MEGF6: variants seen among roughly 807,000 people sequenced by gnomAD.
MEGF6 encodes the protein multiple EGF like domains 6.
In MEGF6, 184 loss-of-function variants were observed where a neutral mutation model predicts 207.1. The observed-to-expected ratio is 0.89, with a 90% CI of 0.79 to 1.00. The LOEUF (loss-of-function observed/expected upper bound fraction) is 1.00. MEGF6 is among the 50% of genes least tolerant of loss of function. The pLI, the probability that MEGF6 is intolerant of heterozygous loss-of-function variation, is 0.00. For missense variants in MEGF6, 2,282 were observed against 2,202.9 expected (o/e 1.04, Z -0.72); for synonymous variants, 1,038 against 910.0 (o/e 1.14, Z -2.53).
In MEGF6 at chr1:3,499,148, G is replaced by A. The variant is rs201666491; in HGVS notation, c.3084C>T (p.Ser1028=). The change falls in exon 24 of 37, where the codon TCC becomes TCT. Residue 1028 remains serine, a synonymous_variant. Coordinates refer to ENST00000356575, the MANE Select transcript of MEGF6 (RefSeq NM_001409.4). The part of the protein sequence containing the change: ...CHCAPGWMGP[S]CLQACPAGLY... ...CTAGATGTGGCTTACCCTGCAGGCA[G>A]GAGGGCCCCATCCAGCCAGGGGCAC... 6.2e-4 allele frequency: 1,002 copies of A among 1,604,424 alleles called. No individual in the cohort carries two copies. Among genetic ancestry groups the A allele is most frequent in the Non-Finnish European group, 8.1e-4 (951 of 1,177,004 alleles).
At chr1:3,609,062 G>T (rs1334688184) in intron 1 of MEGF6, among the ~76,000 whole-genome samples, 2 of 152,174 alleles carry the variant, frequency 1.3e-5, no homozygotes, top group African/African-American at 4.8e-5. Context: ...AGCCAGCGGG[G>T]GTGCCGCTGC....
intron 4 of MEGF6, among the ~76,000 whole-genome samples, chr1:3,531,613 A>G (rs985914973): frequency 1.2e-4 from 18 of 150,272 alleles, no homozygotes; most frequent in African/African-American, 4.2e-4. Context: ...GCAGATAGGG[A>G]CCTAGGCACA....
At chr1:3,519,285 C>T (rs1641654182) in intron 5 of MEGF6, among the ~76,000 whole-genome samples, 2 of 152,234 alleles carry the variant, frequency 1.3e-5, no homozygotes, top group Admixed American at 1.3e-4. Context: ...TCCCTATAGA[C>T]AAGTGCTAGC....
intron 9 of MEGF6, 26 bp downstream of exon 9, chr1:3,511,524 G>A: frequency 6.3e-7 from 1 of 1,587,188 alleles, no homozygotes; most frequent in South Asian, 1.1e-5. Context: ...GTGGGGTGCA[G>A]GCATCTGGGA....
chr1:3,594,582 G>A lies in MEGF6; in HGVS notation c.376+756C>T, dbSNP rs1644029235. On this transcript the variant is annotated intron_variant, in intron 3 of 36. Transcript: ENST00000356575. This position sits in a 1 kb window ranked among gnomAD's most constrained non-coding sequence, Gnocchi z 4.2. ...ATGGGACAGGGTCCCATGACCTCTG[G>A]ACTGACCCCTCCCAGGGAGGGACAC... 6.6e-6 allele frequency among the ~76,000 whole-genome samples: 1 copy of A among 152,170 alleles called. No homozygotes were observed. Among genetic ancestry groups the A allele is most frequent in the South Asian group, 2.1e-4 (1 of 4,828 alleles).
chr1:3,555,992 G>A (rs1330479573), intron 4 of MEGF6, among the ~76,000 whole-genome samples: 2 of 152,234 alleles, frequency 1.3e-5, no homozygotes, highest in Admixed American at 6.5e-5. Context: ...AAGTCTGCCC[G>A]CCCACCCACA....
intron 4 of MEGF6, 72 bp downstream of exon 4, chr1:3,579,753 C>A (rs1233277926): frequency 9.6e-6 from 11 of 1,142,218 alleles, no homozygotes; most frequent in Non-Finnish European, 1.3e-5. Context: ...CGGCCAGTGG[C>A]CGACACATCC....
chr1:3,534,987 C>T (rs528492288), intron 4 of MEGF6, among the ~76,000 whole-genome samples: 102 of 152,288 alleles, frequency 6.7e-4, no homozygotes, highest in African/African-American at 2.4e-3. Context: ...GTGCCCAGTA[C>T]CCAGTGCAGG....
chr1:3,493,563 C>T (rs1640466878), intron 34 of MEGF6: 4 of 678,250 alleles, frequency 5.9e-6, no homozygotes, highest in Non-Finnish European at 7.2e-6. Context: ...CAGGGCCTGG[C>T]CTAAGGCTCC....
At chr1:3,623,723 C>T in the MEGF6 span, among the ~76,000 whole-genome samples, 1 of 152,254 alleles carries the variant, frequency 6.6e-6, no homozygotes, top group Non-Finnish European at 1.5e-5. Flanking sequence ...GCCCATGCAA[C>T]TTTGGCAGCC....
intron 3 of MEGF6, among the ~76,000 whole-genome samples, chr1:3,585,425 T>C (rs1367422050): frequency 6.8e-6 from 1 of 147,160 alleles, no homozygotes; most frequent in East Asian, 2.1e-4. Flanking sequence ...ACATGTCCTG[T>C]GTGTGGGTGT....
At chr1:3,541,733 G>A (rs1642528279) in intron 4 of MEGF6, among the ~76,000 whole-genome samples, 1 of 150,680 alleles carries the variant, frequency 6.6e-6, no homozygotes, top group Admixed American at 6.6e-5. Context: ...GCAAGGGTGT[G>A]AAAGGCCGAG....
intron 29 of MEGF6, 152 bp from the exon 30 acceptor site, chr1:3,496,170 C>T (rs1640598073): frequency 1.7e-6 from 2 of 1,189,626 alleles, no homozygotes; most frequent in East Asian, 5.4e-5. Context: ...TGCACCCACC[C>T]TGGCATCTCC....
Position 3,500,968 on chromosome 1 carries a change from C to T in MEGF6, c.2573G>A (p.Arg858Lys). The T allele has an allele frequency of 6.2e-7, 1 of 1,611,660 alleles. No individual in the cohort carries two copies. The change falls in exon 20 of 37, where the codon AGA becomes AAA. Residue 858 changes from arginine (R) to lysine (K), a missense_variant and splice_region_variant. Arg to Lys is a conservative substitution (Grantham distance 26). Coordinates refer to ENST00000356575, the MANE Select transcript of MEGF6 (RefSeq NM_001409.4). ...GGGCAAGCCAAGGGCCCCCGTACCT[C>T]TCTGGCAGCTAAAGCCGGTCCACCC... ...APGWTGFSCQ[R>K]ACDTGHWGPD...
intron 5 of MEGF6, among the ~76,000 whole-genome samples, chr1:3,519,249 AC>A (rs1198537546): frequency 6.6e-6 from 1 of 152,154 alleles, no homozygotes; most frequent in African/African-American, 2.4e-5. Flanking sequence ...AGTGGTCCAG[AC>A]CCACTGGCCA....
chr1:3,564,557 T>A (rs1391388113), intron 4 of MEGF6, among the ~76,000 whole-genome samples: 2 of 152,104 alleles, frequency 1.3e-5, no homozygotes, highest in African/African-American at 4.8e-5. Flanking sequence ...CTCTCCCCAC[T>A]GTGCTGGTCT....
chr1:3,589,860 G>C (rs189575563), intron 3 of MEGF6, among the ~76,000 whole-genome samples: 16 of 152,298 alleles, frequency 1.1e-4, no homozygotes, highest in Admixed American at 8.5e-4. Flanking sequence ...AATTAGTTTG[G>C]GAAAGCCTGT....
the MEGF6 span, among the ~76,000 whole-genome samples, chr1:3,621,157 C>T: frequency 6.6e-6 from 1 of 152,208 alleles, no homozygotes; most frequent in African/African-American, 2.4e-5. Context: ...ATGTCAGGCC[C>T]TCCACAAGAG....
rs143574151 is a variant in MEGF6, at chr1:3,576,778, C to A, written c.481+3047G>T. 8.3e-3 allele frequency among the ~76,000 whole-genome samples: 1,248 copies of A among 150,580 alleles called. 12 individuals carry two copies. The highest frequency in any genetic ancestry group is 0.028 in the African/African-American group (1,162 of 40,830). On this transcript the variant is annotated intron_variant, in intron 4 of 36. Transcript: ENST00000356575. ...CCCAGCCCTGCACATTCCACCCCTGCACACCTGGCCCTGCACACTCCACCC... is the reference window on the plus strand; with the variant it reads ...CCCAGCCCTGCACATTCCACCCCTGAACACCTGGCCCTGCACACTCCACCC...
Sources: gnomAD v4.1 joint callset for allele counts (sites outside exome capture counted in the v4.1 genomes callset) on GRCh38, gnomAD v4.1.1 for gene constraint, Gnocchi (gnomAD v3.1) non-coding constraint, MANE v1.5 for transcripts, NCBI Gene and HGNC (gene_info 2026-07-23, HGNC 2026-07-21) for gene names.